The following PCMTD1 variants were observed in gnomAD, a reference collection of about 807,000 sequenced individuals.
PCMTD1 encodes protein-L-isoaspartate (D-aspartate) O-methyltransferase domain containing 1.
PCMTD1 carries 12 observed loss-of-function variants against 37.6 expected under a neutral mutation model. The ratio of observed to expected loss-of-function variants is 0.32; its 90% CI spans 0.20 to 0.52. PCMTD1 has a LOEUF of 0.52. Ranked by LOEUF, PCMTD1 falls within the 20% of genes least tolerant of loss-of-function variation. PCMTD1 has a pLI of 0.97. For synonymous variants in PCMTD1, 117 were observed against 135.8 expected (o/e 0.86, Z 0.96); for missense variants, 235 against 421.3 (o/e 0.56, Z 3.87).
intron 5 of PCMTD1, among the ~76,000 whole-genome samples, chr8:51,822,483 A>G (rs2037862812): frequency 1.3e-5 from 2 of 152,356 alleles, no homozygotes; most frequent in African/African-American, 4.8e-5. Context: ...AGAAAATTTT[A>G]AAGTGTACTT....
intron 3 of PCMTD1, among the ~76,000 whole-genome samples, chr8:51,839,188 A>G (rs534745505): frequency 2.0e-5 from 3 of 151,846 alleles, no homozygotes; most frequent in South Asian, 2.1e-4. Context: ...ATACAGAAGG[A>G]AAAAAAAATC....
Position 51,837,168 on chromosome 8 carries a change from A to T in PCMTD1, c.411-3479T>A, listed in dbSNP as rs928485865. Among the ~76,000 whole-genome samples the T allele has an allele frequency of 3.3e-5, 5 of 152,148 alleles. No individual in the cohort carries two copies. In the East Asian group the frequency reaches 9.6e-4, roughly 29 times the overall value. On this transcript the variant is annotated intron_variant, in intron 3 of 5. Coordinates refer to ENST00000522514, the MANE Select transcript of PCMTD1 (RefSeq NM_052937.4). ...AAGCAGAACAAGTATAACTACTTCT[A>T]TCTAAGGGAAATTATTAATACAAAG...
chr8:51,847,979 G>C (rs544277928), intron 2 of PCMTD1, among the ~76,000 whole-genome samples: 1 of 152,148 alleles, frequency 6.6e-6, no homozygotes. Flanking sequence ...TACTCGAGAG[G>C]CTGAGGCAGG....
At chr8:51,892,596 T>C (rs2038951185) in intron 1 of PCMTD1, among the ~76,000 whole-genome samples, 1 of 152,192 alleles carries the variant, frequency 6.6e-6, no homozygotes, top group Non-Finnish European at 1.5e-5. Flanking sequence ...GTCACAACGG[T>C]TGTAATAGTT....
intron 1 of PCMTD1, among the ~76,000 whole-genome samples, chr8:51,878,903 C>G (rs912539519): frequency 6.6e-6 from 1 of 152,116 alleles, no homozygotes; most frequent in Non-Finnish European, 1.5e-5. Flanking sequence ...GGTGTGAGGA[C>G]TGCTTGAGCC....
intron 3 of PCMTD1, among the ~76,000 whole-genome samples, chr8:51,835,999 G>C (rs10504128): frequency 0.69 from 104,536 of 152,164 alleles, 42,391 homozygotes; most frequent in Non-Finnish European, 0.9. Context: ...TATTTATTGA[G>C]CACTAGCTTT....
intron 5 of PCMTD1, chr8:51,827,196 T>C (rs886579534): frequency 2.6e-6 from 3 of 1,139,314 alleles, no homozygotes; most frequent in Non-Finnish European, 3.3e-6. Flanking sequence ...TATTACTATA[T>C]GAAGCTTTTA....
intron 1 of PCMTD1, among the ~76,000 whole-genome samples, chr8:51,898,070 T>G (rs1189743207): frequency 1.3e-5 from 2 of 152,118 alleles, no homozygotes; most frequent in East Asian, 3.9e-4. Context: ...GCTTCATGTT[T>G]TTCTCAAGGA....
intron 2 of PCMTD1, among the ~76,000 whole-genome samples, chr8:51,852,981 T>C (rs540909060): frequency 6.6e-6 from 1 of 152,232 alleles, no homozygotes; most frequent in East Asian, 1.9e-4. Context: ...AGAACCCAGA[T>C]TGGAGTGCAG....
At chr8:51,856,429 C>T (rs2038390822) in intron 2 of PCMTD1, among the ~76,000 whole-genome samples, 1 of 152,150 alleles carries the variant, frequency 6.6e-6, no homozygotes, top group African/African-American at 2.4e-5. Context: ...AATGGTGCAG[C>T]CACTCTGGAA....
intron 3 of PCMTD1, among the ~76,000 whole-genome samples, chr8:51,834,962 C>A (rs1482065742): frequency 2.0e-5 from 3 of 152,216 alleles, no homozygotes; most frequent in East Asian, 1.9e-4. Flanking sequence ...ATAACTGTCA[C>A]CTCACTGATC....
intron 1 of PCMTD1, among the ~76,000 whole-genome samples, chr8:51,879,656 TAAA>T (rs923724983): frequency 5.9e-5 from 9 of 151,932 alleles, no homozygotes; most frequent in Non-Finnish European, 1.2e-4. Context: ...AAATAACCAA[TAAA>T]AAAGTGAGAC....
At chr8:51,848,304 GAA>G (rs1491193101) in intron 2 of PCMTD1, among the ~76,000 whole-genome samples, 3 of 148,264 alleles carry the variant, frequency 2.0e-5, no homozygotes, top group East Asian at 4.0e-4. Flanking sequence ...AAAAAAAAGA[GAA>G]GAGAGAGAGA....
At chr8:51,874,282 T>C (rs1224723477) in intron 1 of PCMTD1, among the ~76,000 whole-genome samples, 4 of 152,184 alleles carry the variant, frequency 2.6e-5, no homozygotes, top group Non-Finnish European at 5.9e-5. Flanking sequence ...GTAACCAAAA[T>C]GTTTGTGAAA....
chr8:51,839,873 C>G (rs558436943), intron 3 of PCMTD1, among the ~76,000 whole-genome samples: 9 of 152,180 alleles, frequency 5.9e-5, no homozygotes, highest in African/African-American at 2.2e-4. Context: ...AATACTTTGT[C>G]AAAATACACA....
intron 3 of PCMTD1, among the ~76,000 whole-genome samples, chr8:51,838,721 A>G (rs2038102467): frequency 6.6e-6 from 1 of 152,166 alleles, no homozygotes; most frequent in African/African-American, 2.4e-5. Flanking sequence ...CCATAAACCT[A>G]TAGAGGTAAA....
At chr8:51,897,400 G>A (rs1470666291) in intron 1 of PCMTD1, among the ~76,000 whole-genome samples, 2 of 151,698 alleles carry the variant, frequency 1.3e-5, no homozygotes, top group African/African-American at 4.8e-5. Flanking sequence ...CTCAGGCTAG[G>A]GCCACTAGCT....
At chr8:51,827,634 A>G (rs6473659) in intron 5 of PCMTD1, among the ~76,000 whole-genome samples, 145,846 of 152,190 alleles carry the variant, frequency 0.96, 70,028 homozygotes, top group East Asian at 1. Context: ...TACCCCCAAG[A>G]AAAAGGAGGG....
At chr8:51,896,417 G>A (rs1182667308) in intron 1 of PCMTD1, 1 of 151,912 alleles carries the variant, frequency 6.6e-6, no homozygotes, top group African/African-American at 2.4e-5. Flanking sequence ...GACTTTTTTA[G>A]GGCCCTCTTG....
Sources: allele counts gnomAD v4.1 joint callset (sites outside exome capture counted in the v4.1 genomes callset), GRCh38; gene constraint gnomAD v4.1.1; transcripts MANE v1.5; gene names NCBI Gene and HGNC (gene_info 2026-07-23, HGNC 2026-07-21).